POLDIP3: variants seen among roughly 807,000 people sequenced by gnomAD.
The protein encoded by POLDIP3 is DNA polymerase delta interacting protein 3, also known as polymerase delta-interacting protein 3.
Under a neutral mutation model 45.1 loss-of-function variants are expected in POLDIP3, and 14 were observed. The ratio of observed to expected loss-of-function variants is 0.31; its 90% CI spans 0.20 to 0.49. The LOEUF is 0.49. Ranked by LOEUF, POLDIP3 falls within the 20% of genes least tolerant of loss-of-function variation. POLDIP3 has a pLI of 0.99. For synonymous variants in POLDIP3, 223 were observed against 205.2 expected, an observed-to-expected ratio of 1.09 and a Z score of -0.74; for missense variants, 511 against 538.8, an observed-to-expected ratio of 0.95 and a Z score of 0.51.
intron 1 of POLDIP3, among the ~76,000 whole-genome samples, chr22:42,605,117 C>A (rs975165000): frequency 2.0e-5 from 3 of 152,064 alleles, no homozygotes; most frequent in African/African-American, 7.2e-5. Context: ...AAGGAAGTTT[C>A]TTTTCTTCAG....
chr22:42,604,324 G>GC lies in POLDIP3; in HGVS notation c.60-1165dup, dbSNP rs148719934. On this transcript the variant is annotated intron_variant, in intron 1 of 8. Transcript: ENST00000252115. ...GAATGGGGTTCAGTCCTTTTGCAGG[G>GC]CCCAGCACCTCCTAAGCAGCATCGA... is the stretch of plus-strand genomic sequence containing the variant. 7.8e-4 allele frequency among the ~76,000 whole-genome samples: 119 copies of GC among 152,176 alleles called. 1 individual carries two copies. The highest frequency in any genetic ancestry group is 2.8e-3 in the African/African-American group (115 of 41,502).
chr22:42,585,450 TG>T lies in POLDIP3; in HGVS notation c.*340del, dbSNP rs1217758720. The T allele has an allele frequency of 3.1e-5, 11 of 359,578 alleles. No homozygotes were observed. The allele number at this position is 359,578 out of a possible 1,614,324, so 22.3% of individuals were successfully genotyped here. ...CAGACAGCCCCCACGCTGCATCCCA[TG>T]GGGCCACAAGAAAGCCACCCAGAGA... is the stretch of plus-strand genomic sequence containing the variant. On this transcript the variant is annotated 3_prime_UTR_variant, in exon 9 of 9. Transcript: ENST00000252115.
chr22:42,605,821 G>A (rs1341659097), intron 1 of POLDIP3, among the ~76,000 whole-genome samples: 1 of 152,166 alleles, frequency 6.6e-6, no homozygotes, highest in Non-Finnish European at 1.5e-5. Flanking sequence ...TAGACAAACT[G>A]GGACTATGCT....
At position 42,602,819 on chromosome 22, in the gene POLDIP3, G is replaced by T; in HGVS notation, c.401C>A (p.Pro134Gln). ...KRSSPAAFINPPIGTVTPALK... is the reference protein window; with the variant it reads ...KRSSPAAFINQPIGTVTPALK... The stretch of plus-strand genomic sequence containing the variant: ...AGCAGGGGTCACTGTCCCAATGGGT[G>T]GGTTTATGAAGGCAGCAGGGGAACT... Residue 134 changes from proline to glutamine, a missense_variant, in exon 2 of 9, where the codon CCA becomes CAA. By Grantham distance (76) the Pro-to-Gln change is moderately conservative. Transcript: ENST00000252115. 6.2e-7 allele frequency: 1 copy of T among 1,612,066 alleles called. No homozygotes were observed.
Position 42,585,532 on chromosome 22 carries a change from C to A in POLDIP3, c.*259G>T. 1 of 479,876 alleles carries A rather than the reference C, an allele frequency of 2.1e-6. No homozygotes were observed. Among genetic ancestry groups the A allele is most frequent in the Admixed American group, 3.6e-5 (1 of 28,032 alleles). The allele number at this position is 479,876 out of a possible 1,614,324, so 29.7% of individuals were successfully genotyped here. On this transcript the variant is annotated 3_prime_UTR_variant, in exon 9 of 9. Coordinates refer to ENST00000252115, the MANE Select transcript of POLDIP3 (RefSeq NM_032311.5). ...AGCTTGGGGCTGAGGCTCGGGGAGG[C>A]ACACACTGAAAAACACAAGCCTACC... is the stretch of plus-strand genomic sequence containing the variant.
chr22:42,592,544 A>C (rs1925734766), intron 6 of POLDIP3, among the ~76,000 whole-genome samples: 1 of 152,202 alleles, frequency 6.6e-6, no homozygotes, highest in South Asian at 2.1e-4. Flanking sequence ...TGAGACTTTG[A>C]GTGATGAAAC....
At position 42,585,611 on chromosome 22, in the gene POLDIP3, G is replaced by C. The variant is rs565398464; in HGVS notation, c.*180C>G. The C allele has an allele frequency of 1.5e-6, 1 of 686,914 alleles. No individual in the cohort carries two copies. The highest frequency in any genetic ancestry group is 1.8e-5 in the African/African-American group (1 of 55,582). The allele number at this position is 686,914 out of a possible 1,614,324, so 42.6% of individuals were successfully genotyped here. A position where few individuals can be genotyped will look rare whatever the true frequency, so the allele number is the denominator to read the frequency against. ...AGGAAACGTTAACGTAGAGAGAAGA[G>C]CACAGGGCAGAACACAACACAGAAA... On this transcript the variant is annotated 3_prime_UTR_variant, in exon 9 of 9. Transcript: ENST00000252115.
intron 8 of POLDIP3, among the ~76,000 whole-genome samples, chr22:42,586,737 C>CA (rs1286995741): frequency 6.6e-6 from 1 of 152,158 alleles, no homozygotes; most frequent in Non-Finnish European, 1.5e-5. Flanking sequence ...TTTTAAATCT[C>CA]AAAGTCTATT....
Position 42,614,085 on chromosome 22 carries a change from C to T in POLDIP3, c.59+714G>A, listed in dbSNP as rs140908231. On this transcript the variant is annotated intron_variant, in intron 1 of 8. Transcript: ENST00000252115. ...GCCCAACACACCAGTTTTTCAAGCCCATGTAGGAGGCCAACTCAGCCAGCA... is the reference window on the plus strand; with the variant it reads ...GCCCAACACACCAGTTTTTCAAGCCTATGTAGGAGGCCAACTCAGCCAGCA... Among the ~76,000 whole-genome samples the T allele has an allele frequency of 3.9e-5, 6 of 152,296 alleles. No individual in the cohort carries two copies. The East Asian group carries it at 7.7e-4, about 20-fold the overall frequency.
intron 8 of POLDIP3, 97 bp from the exon 9 acceptor site, chr22:42,586,065 C>G: frequency 8.7e-7 from 1 of 1,152,876 alleles, no homozygotes; most frequent in Non-Finnish European, 1.2e-6. Context: ...GAGCTAGGCA[C>G]TGGGTGTAAC....
At chr22:42,613,025 C>T (rs569699234) in intron 1 of POLDIP3, among the ~76,000 whole-genome samples, 1 of 152,104 alleles carries the variant, frequency 6.6e-6, no homozygotes, top group Non-Finnish European at 1.5e-5. Context: ...TCCTGCAGCC[C>T]CACCTACTGC....
chr22:42,592,175 G>A (rs571979038), intron 6 of POLDIP3, 91 bp from the exon 7 acceptor site: 13 of 1,561,806 alleles, frequency 8.3e-6, no homozygotes, highest in South Asian at 6.9e-5. Flanking sequence ...TGGTGGTTCC[G>A]CTGCAGCTAA....
At chr22:42,611,619 C>T (rs1427962368) in intron 1 of POLDIP3, among the ~76,000 whole-genome samples, 1 of 152,202 alleles carries the variant, frequency 6.6e-6, no homozygotes, top group Non-Finnish European at 1.5e-5. Context: ...TATGGCCAGG[C>T]ACGGTGGCAC....
At chr22:42,614,248 A>C (rs550662568) in intron 1 of POLDIP3, among the ~76,000 whole-genome samples, 18 of 152,308 alleles carry the variant, frequency 1.2e-4, no homozygotes, top group Admixed American at 9.8e-4. Flanking sequence ...TAAAAGATTA[A>C]ATGAGGCATC....
chr22:42,585,715 A>G lies in POLDIP3; in HGVS notation c.*76T>C. ...TCAGGGGTCTCCAGTCCGATGGCCC[A>G]TTGGTCATAAGCTTTGCCTTGGGGA... On this transcript the variant is annotated 3_prime_UTR_variant, in exon 9 of 9. Transcript: ENST00000252115. 2 of 1,500,514 alleles carry G rather than the reference A, an allele frequency of 1.3e-6. No homozygotes were observed. Among genetic ancestry groups the G allele is most frequent in the Non-Finnish European group, 1.8e-6 (2 of 1,109,856 alleles). 92.9% of individuals were successfully genotyped at this position (1,500,514 alleles called of 1,614,324 possible).
chr22:42,601,069 T>C (rs1339575240), intron 3 of POLDIP3, among the ~76,000 whole-genome samples: 1 of 151,788 alleles, frequency 6.6e-6, no homozygotes, highest in Non-Finnish European at 1.5e-5. Flanking sequence ...CACTCCAGCC[T>C]GGGGGACAGA....
At chr22:42,597,561 C>T (rs1926071777) in intron 4 of POLDIP3, 2 of 370,408 alleles carry the variant, frequency 5.4e-6, no homozygotes, top group African/African-American at 2.1e-5. Flanking sequence ...CATGCCTGTC[C>T]CTCATCCATC....
At chr22:42,608,905 C>T (rs536456901) in intron 1 of POLDIP3, among the ~76,000 whole-genome samples, 1 of 152,188 alleles carries the variant, frequency 6.6e-6, no homozygotes, top group South Asian at 2.1e-4. Flanking sequence ...CAACTTCTTT[C>T]GTGAACAGCT....
At chr22:42,614,192 T>A (rs777973404) in intron 1 of POLDIP3, among the ~76,000 whole-genome samples, 1 of 151,970 alleles carries the variant, frequency 6.6e-6, no homozygotes, top group Non-Finnish European at 1.5e-5. Flanking sequence ...AAGTTCCCCA[T>A]CAGTAAAAGG....
Sources: allele counts gnomAD v4.1 joint callset (sites outside exome capture counted in the v4.1 genomes callset), GRCh38; gene constraint gnomAD v4.1.1; transcripts MANE v1.5; gene names NCBI Gene and HGNC (gene_info 2026-07-23, HGNC 2026-07-21).